The following CPED1 variants were observed in gnomAD, a reference collection of about 807,000 sequenced individuals.
CPED1 encodes cadherin-like and PC-esterase domain-containing protein 1.
In CPED1, 114 loss-of-function variants were observed where a neutral mutation model predicts 128.2. The observed-to-expected ratio is 0.89, with a 90% CI of 0.76 to 1.04. CPED1 has a LOEUF of 1.04. CPED1 is among the 50% of genes least tolerant of loss of function. CPED1 has a pLI of 0.00. For synonymous variants in CPED1, 462 were observed against 426.7 expected, an observed-to-expected ratio of 1.08 and a Z score of -1.02; for missense variants, 1,211 against 1,207.1, an observed-to-expected ratio of 1.00 and a Z score of -0.05.
chr7:121,214,215 A>T (rs980996685), intron 16 of CPED1, among the ~76,000 whole-genome samples: 2 of 152,010 alleles, frequency 1.3e-5, no homozygotes, highest in African/African-American at 4.8e-5. Flanking sequence ...CTCCACTGTA[A>T]ACTCACATCT....
chr7:121,102,588 G>A (rs1794879495), intron 7 of CPED1, among the ~76,000 whole-genome samples: 1 of 152,094 alleles, frequency 6.6e-6, no homozygotes, highest in African/African-American at 2.4e-5. Context: ...ACAGTAGGGT[G>A]GAGGAGTGAA....
chr7:121,273,111 T>C (rs1237446870), intron 22 of CPED1, among the ~76,000 whole-genome samples: 1 of 152,134 alleles, frequency 6.6e-6, no homozygotes, highest in Admixed American at 6.5e-5. Context: ...ATTGATTCAC[T>C]CTTTCTGGCT....
chr7:121,216,440 G>A (rs1797762613), intron 16 of CPED1, among the ~76,000 whole-genome samples: 1 of 151,958 alleles, frequency 6.6e-6, no homozygotes, highest in African/African-American at 2.4e-5. Flanking sequence ...AGAGAGGTAT[G>A]GAAATGTCCT....
chr7:121,223,234 G>A (rs1797926709), intron 16 of CPED1, among the ~76,000 whole-genome samples: 1 of 152,084 alleles, frequency 6.6e-6, no homozygotes, highest in Non-Finnish European at 1.5e-5. Flanking sequence ...TTTGTCATTG[G>A]TTCTGTTTAT....
At chr7:121,212,548 T>A (rs1380089660) in intron 16 of CPED1, among the ~76,000 whole-genome samples, 1 of 152,046 alleles carries the variant, frequency 6.6e-6, no homozygotes, top group Non-Finnish European at 1.5e-5. Flanking sequence ...CAACACTGTG[T>A]CCAGAGCAAT....
chr7:121,207,177 T>A (rs1797537704), intron 16 of CPED1, among the ~76,000 whole-genome samples: 1 of 151,992 alleles, frequency 6.6e-6, no homozygotes, highest in Admixed American at 6.6e-5. Flanking sequence ...TTCTTATGCT[T>A]TGCTACCATA....
intron 16 of CPED1, among the ~76,000 whole-genome samples, chr7:121,188,495 CTTGTT>C (rs781063492): frequency 1.3e-5 from 2 of 152,112 alleles, no homozygotes; most frequent in Non-Finnish European, 2.9e-5. Context: ...TAAATTTAAT[CTTGTT>C]TTGTTTGAAC....
intron 16 of CPED1, among the ~76,000 whole-genome samples, chr7:121,225,356 TGG>T (rs1329449210): frequency 6.6e-6 from 1 of 152,192 alleles, no homozygotes; most frequent in African/African-American, 2.4e-5. Context: ...GTTAGTCTGA[TGG>T]GCTTCCTTCC....
At chr7:121,255,136 T>C (rs1438508367) in intron 18 of CPED1, among the ~76,000 whole-genome samples, 1 of 152,016 alleles carries the variant, frequency 6.6e-6, no homozygotes, top group Non-Finnish European at 1.5e-5. Context: ...GTTTGCCTGA[T>C]GAACATAGAT....
chr7:121,039,867 ATCTTT>A (rs1417829138), intron 3 of CPED1, among the ~76,000 whole-genome samples: 1 of 152,124 alleles, frequency 6.6e-6, no homozygotes, highest in Non-Finnish European at 1.5e-5. Context: ...CACAACAAAA[ATCTTT>A]TCTTTTGCAA....
chr7:121,244,837 G>T (rs1798488336), intron 18 of CPED1, among the ~76,000 whole-genome samples: 1 of 152,106 alleles, frequency 6.6e-6, no homozygotes, highest in Admixed American at 6.6e-5. Flanking sequence ...CATATTCCTG[G>T]GCAGGTCTCA....
chr7:121,264,958 A>G (rs1792092715), intron 18 of CPED1, among the ~76,000 whole-genome samples: 1 of 152,104 alleles, frequency 6.6e-6, no homozygotes, highest in South Asian at 2.1e-4. Context: ...ACAAAAAGCC[A>G]TAATTTTATG....
At chr7:121,053,764 T>A (rs1793422846) in intron 4 of CPED1, among the ~76,000 whole-genome samples, 1 of 152,236 alleles carries the variant, frequency 6.6e-6, no homozygotes, top group East Asian at 1.9e-4. Flanking sequence ...AAGGAAAAGC[T>A]AGTTTTTCTC....
rs1451585024 is a variant in CPED1 at position 121,163,650 on chromosome 7, T to C, written c.2055+21509T>C. Among the ~76,000 whole-genome samples the C allele has an allele frequency of 2.6e-5, 4 of 152,336 alleles. No individual in the cohort carries two copies. The East Asian group carries it at 7.7e-4, about 29-fold the overall frequency. ...TTTAAATCACATGTTATTGTTCTGC[T>C]CACTAGACAGAGCAGGATTACTTGG... On this transcript the variant is annotated intron_variant, in intron 16 of 22. Transcript: ENST00000310396.
chr7:121,290,624 C>A (rs1214865721), intron 22 of CPED1, among the ~76,000 whole-genome samples: 6 of 152,294 alleles, frequency 3.9e-5, no homozygotes, highest in African/African-American at 1.4e-4. Context: ...AGTGTCTGTT[C>A]ATATCCTTCA....
chr7:121,187,435 C>T (rs1352145858), intron 16 of CPED1, among the ~76,000 whole-genome samples: 2 of 152,000 alleles, frequency 1.3e-5, no homozygotes, highest in African/African-American at 4.8e-5. Flanking sequence ...GTGTGGTAAG[C>T]GTGGTTGAAT....
intron 5 of CPED1, among the ~76,000 whole-genome samples, chr7:121,069,825 G>A (rs1793943855): frequency 6.6e-6 from 1 of 152,234 alleles, no homozygotes; most frequent in East Asian, 1.9e-4. Flanking sequence ...TAAGAGAACT[G>A]TTTTGCTTGG....
chr7:121,060,055 T>A (rs1793614469), intron 4 of CPED1, among the ~76,000 whole-genome samples: 1 of 146,086 alleles, frequency 6.8e-6, no homozygotes, highest in Non-Finnish European at 1.5e-5. Flanking sequence ...TGGCGGGCCC[T>A]GCACTCGGAG....
intron 4 of CPED1, among the ~76,000 whole-genome samples, chr7:121,048,083 A>G (rs932429656): frequency 1.3e-5 from 2 of 152,062 alleles, no homozygotes; most frequent in African/African-American, 4.8e-5. Flanking sequence ...TTTCTTTACA[A>G]CCAACTTTTC....
Sources: gnomAD v4.1 joint callset for allele counts (sites outside exome capture counted in the v4.1 genomes callset) on GRCh38, gnomAD v4.1.1 for gene constraint, MANE v1.5 for transcripts, NCBI Gene and HGNC (gene_info 2026-07-23, HGNC 2026-07-21) for gene names.